RIN3: variants seen among roughly 807,000 people sequenced by gnomAD.
The protein encoded by RIN3 is Ras and Rab interactor 3, also known as RAB5 interacting protein 3.
Under a neutral mutation model 76.3 loss-of-function variants are expected in RIN3, and 54 were observed. The observed-to-expected ratio is 0.71, with a 90% confidence interval of 0.57 to 0.89. The LOEUF (loss-of-function observed/expected upper bound fraction) is 0.89, where lower values mean the gene tolerates loss of function less well. Among genes scored for constraint, RIN3 ranks in the 40% least tolerant of loss-of-function variants. The pLI, the probability that RIN3 is intolerant of heterozygous loss-of-function variation, is 0.00. For missense variants in RIN3, 1,256 were observed against 1,322.1 expected, an observed-to-expected ratio of 0.95 and a Z score of 0.78; for synonymous variants, 576 against 564.0, an observed-to-expected ratio of 1.02 and a Z score of -0.30.
At chr14:92,582,820 A>G (rs1272215508) in intron 3 of RIN3, among the ~76,000 whole-genome samples, 3 of 152,106 alleles carry the variant, frequency 2.0e-5, no homozygotes, top group African/African-American at 7.2e-5. Context: ...ACTAGCATGC[A>G]CCCAGACAAC....
At chr14:92,650,263 G>C (rs768428471) in intron 5 of RIN3, among the ~76,000 whole-genome samples, 1 of 152,170 alleles carries the variant, frequency 6.6e-6, no homozygotes, top group Admixed American at 6.5e-5. Flanking sequence ...GAACCAGCCC[G>C]ACCTGGTCAA....
chr14:92,651,260 AC>A (rs1248854662), intron 5 of RIN3, among the ~76,000 whole-genome samples: 1 of 151,344 alleles, frequency 6.6e-6, no homozygotes. Context: ...CAGTGTTGTC[AC>A]CCCCCACCCT....
At chr14:92,561,060 C>A (rs1897756645) in intron 2 of RIN3, among the ~76,000 whole-genome samples, 2 of 49,086 alleles carry the variant, frequency 4.1e-5, no homozygotes, top group African/African-American at 6.9e-5. Context: ...TATATATCTG[C>A]CATATATATG....
At chr14:92,671,322 G>T (rs1888280582) in intron 7 of RIN3, among the ~76,000 whole-genome samples, 2 of 152,160 alleles carry the variant, frequency 1.3e-5, no homozygotes, top group African/African-American at 2.4e-5. Context: ...GGGGGTCCCA[G>T]GAGGGGGGGA....
intron 4 of RIN3, among the ~76,000 whole-genome samples, chr14:92,633,816 A>G (rs892022856): frequency 6.6e-6 from 1 of 152,062 alleles, no homozygotes; most frequent in African/African-American, 2.4e-5. Context: ...AATCTCATGT[A>G]GCTGGAATAA....
In RIN3 at chr14:92,580,611, G is replaced by T. The variant is rs190051563; in HGVS notation, c.367+3134G>T. 7.7e-3 allele frequency among the ~76,000 whole-genome samples: 1,172 copies of T among 152,384 alleles called. 27 individuals are homozygous for T. The highest frequency in any genetic ancestry group is 0.048 in the Admixed American group (728 of 15,314). On this transcript the variant is annotated intron_variant, in intron 3 of 9. Transcript: ENST00000216487. Reference sequence around the variant, plus strand: ...GCATGATGGCTTAAAGCCAGAAGCTGGTTTCCCACTCACAGGCAAGATTCC... The same window carrying T: ...GCATGATGGCTTAAAGCCAGAAGCTTGTTTCCCACTCACAGGCAAGATTCC...
chr14:92,672,125 C>T (rs536412453), intron 7 of RIN3, among the ~76,000 whole-genome samples: 13 of 152,014 alleles, frequency 8.6e-5, no homozygotes, highest in East Asian at 3.9e-4. Flanking sequence ...AGACTGGGGC[C>T]GGGCGTGCGG....
chr14:92,581,041 G>A (rs1488230077), intron 3 of RIN3, among the ~76,000 whole-genome samples: 1 of 152,246 alleles, frequency 6.6e-6, no homozygotes, highest in African/African-American at 2.4e-5. Flanking sequence ...GAAAGTGTGA[G>A]GTTCTCAAAG....
chr14:92,627,717 G>A (rs1437394536), intron 4 of RIN3, among the ~76,000 whole-genome samples: 1 of 152,176 alleles, frequency 6.6e-6, no homozygotes, highest in Non-Finnish European at 1.5e-5. Context: ...AGCCCTTGAG[G>A]CCACGTCAGC....
intron 1 of RIN3, among the ~76,000 whole-genome samples, chr14:92,533,168 C>A (rs1371509588): frequency 6.6e-6 from 1 of 152,164 alleles, no homozygotes; most frequent in Non-Finnish European, 1.5e-5. Context: ...CACATATACA[C>A]TGAAAAGATG....
intron 4 of RIN3, among the ~76,000 whole-genome samples, chr14:92,617,310 A>AC (rs911554372): frequency 3.4e-5 from 5 of 147,432 alleles, no homozygotes; most frequent in African/African-American, 8.0e-5. Flanking sequence ...CAAAAAAAAA[A>AC]CCAAAATAAA....
intron 1 of RIN3, among the ~76,000 whole-genome samples, chr14:92,517,864 C>T (rs918327569): frequency 6.6e-6 from 1 of 152,200 alleles, no homozygotes; most frequent in Admixed American, 6.5e-5. Context: ...ACTCTCAGGC[C>T]AGGCAGGGAA....
intron 1 of RIN3, among the ~76,000 whole-genome samples, chr14:92,530,569 T>C (rs1276363652): frequency 6.6e-6 from 1 of 151,978 alleles, no homozygotes; most frequent in African/African-American, 2.4e-5. Context: ...TTGCCCAGTT[T>C]ACAGGCGAGG....
At chr14:92,576,147 C>G (rs760805073) in intron 2 of RIN3, 1 of 1,091,338 alleles carries the variant, frequency 9.2e-7, no homozygotes, top group Non-Finnish European at 1.2e-6. Flanking sequence ...CCTGGGGAAG[C>G]TGTGCCACAG....
intron 1 of RIN3, among the ~76,000 whole-genome samples, chr14:92,552,377 C>G (rs1897451879): frequency 6.6e-6 from 1 of 152,114 alleles, no homozygotes; most frequent in Non-Finnish European, 1.5e-5. Context: ...CCACCCAGGT[C>G]CCCCCAGATC....
intron 8 of RIN3, among the ~76,000 whole-genome samples, chr14:92,680,770 C>A (rs1481576122): frequency 6.6e-6 from 1 of 152,232 alleles, no homozygotes; most frequent in South Asian, 2.1e-4. Flanking sequence ...ATTCTGTGCA[C>A]CTTGGGACCT....
At position 92,603,871 on chromosome 14, in the gene RIN3, C is replaced by T. The variant is rs117854340; in HGVS notation, c.368-11536C>T. Among the ~76,000 whole-genome samples the T allele has an allele frequency of 6.2e-3, 948 of 152,278 alleles. 10 individuals are homozygous for T. The highest frequency in any genetic ancestry group is 7.2e-3 in the Non-Finnish European group (491 of 68,018). ...CTGGAACCAGCGGGTCCCTGGGACT[C>T]CAAAGAAATCGCTATCTTCCCCACT... On this transcript the variant is annotated intron_variant, in intron 3 of 9. Coordinates refer to ENST00000216487, the MANE Select transcript of RIN3 (RefSeq NM_024832.5).
chr14:92,527,583 C>T (rs1370195161), intron 1 of RIN3, among the ~76,000 whole-genome samples: 2 of 152,138 alleles, frequency 1.3e-5, no homozygotes, highest in African/African-American at 4.8e-5. Flanking sequence ...CACGTTTTGA[C>T]AAACAGACAG....
intron 5 of RIN3, among the ~76,000 whole-genome samples, chr14:92,641,798 C>T (rs572486807): frequency 3.3e-5 from 5 of 152,314 alleles, no homozygotes; most frequent in Non-Finnish European, 5.9e-5. Flanking sequence ...CCCACCCTTC[C>T]GAGTTCCTGA....
Sources: allele counts gnomAD v4.1 joint callset (sites outside exome capture counted in the v4.1 genomes callset), GRCh38; gene constraint gnomAD v4.1.1; transcripts MANE v1.5; gene names NCBI Gene and HGNC (gene_info 2026-07-23, HGNC 2026-07-21).